OTOGL: variants seen among roughly 807,000 people sequenced by gnomAD.
The protein encoded by OTOGL is otogelin like, also known as otogelin-like protein.
Under a neutral mutation model 318.5 loss-of-function variants are expected in OTOGL, and 285 were observed. The observed-to-expected ratio is 0.89, with a 90% CI of 0.81 to 0.99. The LOEUF is 0.99. Among genes scored for constraint, OTOGL ranks in the 50% least tolerant of loss-of-function variants. The pLI, the probability that OTOGL is intolerant of heterozygous loss-of-function variation, is 0.00. For missense variants in OTOGL, 2,899 were observed against 2,845.6 expected (o/e 1.02, Z -0.43); for synonymous variants, 987 against 936.5 (o/e 1.05, Z -0.99).
At chr12:80,274,105 T>C (rs1883618418) in intron 24 of OTOGL, among the ~76,000 whole-genome samples, 1 of 151,950 alleles carries the variant, frequency 6.6e-6, no homozygotes, top group Non-Finnish European at 1.5e-5. Flanking sequence ...CACCAAAAGT[T>C]CAAGGGAAAG....
intron 28 of OTOGL, among the ~76,000 whole-genome samples, chr12:80,304,787 G>A (rs1459422531): frequency 1.3e-5 from 2 of 152,082 alleles, no homozygotes; most frequent in Non-Finnish European, 2.9e-5. Flanking sequence ...AGAACTTGCA[G>A]TGATGATTTT....
rs1050741087 is a variant in OTOGL at position 80,341,012 on chromosome 12, A to T, written c.5051-936A>T. Among the ~76,000 whole-genome samples, 201 of 144,124 alleles carry T rather than the reference A, an allele frequency of 1.4e-3. 1 individual carries two copies. The highest frequency in any genetic ancestry group is 2.4e-3 in the Non-Finnish European group (162 of 66,674). 94.6% of individuals were successfully genotyped at this position (144,124 alleles called of 152,430 possible). A position where few individuals can be genotyped will look rare whatever the true frequency, so the allele number is the denominator to read the frequency against. On this transcript the variant is annotated intron_variant, in intron 43 of 58. Coordinates refer to ENST00000547103, the MANE Select transcript of OTOGL (RefSeq NM_001378609.3). The stretch of plus-strand genomic sequence containing the variant: ...ACAAAGGTGAGGCATTGCAACCTTT[A>T]TTCATCCTGATATATCTCCTTGGGA...
chr12:80,166,243 ATTCT>A (rs752191778), intron 1 of OTOGL, among the ~76,000 whole-genome samples: 103 of 108,364 alleles, frequency 9.5e-4, no homozygotes, highest in African/African-American at 3.5e-3. Flanking sequence ...CCTTTCTTTC[ATTCT>A]TTCTTTGTTT....
chr12:80,102,837 T>C, intron 1 of OTOGL: 2 of 688,440 alleles, frequency 2.9e-6, no homozygotes, highest in Non-Finnish European at 5.2e-6. Flanking sequence ...GCTCTAGTCA[T>C]AAGGCTCTTC....
At position 80,149,136 on chromosome 12, in the gene OTOGL, T is replaced by G. The variant is rs200699440; in HGVS notation, c.-20+49531T>G. On this transcript the variant is annotated intron_variant, in intron 1 of 58. Transcript: ENST00000547103. ...TTGGAGGAGGAGAGGCGCTCTGCTT[T>G]TTAGAGTTTCCAGTTTTTCTGTTGT... Among the ~76,000 whole-genome samples the G allele has an allele frequency of 1.8e-3, 269 of 152,336 alleles. 7 individuals are homozygous for G. The East Asian group carries it at 0.04, about 22-fold the overall frequency.
At position 80,108,936 on chromosome 12, in the gene OTOGL, G is replaced by GTATATATATATA. The variant is rs199972356; in HGVS notation, c.-20+9338_-20+9349dup. ...TATATGTGTATATATATATGTGTGT[G>GTATATATATATA]TATATATATATATATATACACACAC... On this transcript the variant is annotated intron_variant, in intron 1 of 58. Coordinates refer to ENST00000547103, the MANE Select transcript of OTOGL (RefSeq NM_001378609.3). Among the ~76,000 whole-genome samples, 103 of 128,228 alleles carry GTATATATATATA rather than the reference G, an allele frequency of 8.0e-4. 3 individuals carry two copies. The highest frequency in any genetic ancestry group is 3.1e-3 in the African/African-American group (96 of 31,268). 84.1% of individuals were successfully genotyped at this position (128,228 alleles called of 152,430 possible).
chr12:80,116,550 AC>A (rs1404098076), intron 1 of OTOGL, among the ~76,000 whole-genome samples: 1 of 152,118 alleles, frequency 6.6e-6, no homozygotes, highest in African/African-American at 2.4e-5. Context: ...TGATGCTTAT[AC>A]AATTTACAAC....
At chr12:80,284,974 T>C (rs555893997) in intron 26 of OTOGL, among the ~76,000 whole-genome samples, 1 of 152,318 alleles carries the variant, frequency 6.6e-6, no homozygotes, top group South Asian at 2.1e-4. Flanking sequence ...CTGAATGGTA[T>C]TACCTAGGTT....
At chr12:80,144,632 A>C (rs1019914488) in intron 1 of OTOGL, among the ~76,000 whole-genome samples, 12 of 152,116 alleles carry the variant, frequency 7.9e-5, no homozygotes, top group South Asian at 2.1e-4. Flanking sequence ...AATCACCACA[A>C]TGACTTCCAC....
intron 52 of OTOGL, among the ~76,000 whole-genome samples, chr12:80,360,471 C>T (rs998199082): frequency 7.3e-6 from 1 of 137,566 alleles, no homozygotes; most frequent in East Asian, 2.4e-4. Flanking sequence ...TCTCTCTCCT[C>T]TCTCTCCCTC....
intron 1 of OTOGL, among the ~76,000 whole-genome samples, chr12:80,161,079 G>A (rs551861503): frequency 6.6e-6 from 1 of 152,092 alleles, no homozygotes; most frequent in African/African-American, 2.4e-5. Flanking sequence ...GGGGACTCGG[G>A]GGAAAGGCTG....
chr12:80,125,059 G>GA (rs1870735157), intron 1 of OTOGL, among the ~76,000 whole-genome samples: 1 of 152,140 alleles, frequency 6.6e-6, no homozygotes, highest in South Asian at 2.1e-4. Context: ...GCCCTGGCCA[G>GA]ACTTCCAATA....
rs1477883879 is a variant in OTOGL at position 80,266,568 on chromosome 12, G to A, written c.2342G>A (p.Cys781Tyr). ...CSDDCAEGCN[C>Y]PEGKFYEDTL... ...GATGACTGTGCTGAAGGCTGTAATT[G>A]TCCGGAAGGCAAATTCTATGAAGAC... is the stretch of plus-strand genomic sequence containing the variant. Residue 781 changes from cysteine to tyrosine, a missense_variant, in exon 21 of 59, where the codon TGT becomes TAT. Transcript: ENST00000547103. The A allele has an allele frequency of 1.4e-5, 23 of 1,613,450 alleles. No individual in the cohort carries two copies. Among genetic ancestry groups the A allele is most frequent in the Non-Finnish European group, 1.7e-5 (20 of 1,179,740 alleles).
intron 1 of OTOGL, among the ~76,000 whole-genome samples, chr12:80,158,893 G>A (rs1343303951): frequency 6.6e-6 from 1 of 151,996 alleles, no homozygotes; most frequent in Non-Finnish European, 1.5e-5. Flanking sequence ...GTGAGAGTGG[G>A]CATCCTTATC....
intron 1 of OTOGL, among the ~76,000 whole-genome samples, chr12:80,184,704 C>T (rs189918557): frequency 6.6e-6 from 1 of 152,188 alleles, no homozygotes; most frequent in African/African-American, 2.4e-5. Flanking sequence ...GGCTGGACTC[C>T]AATAACTGTG....
chr12:80,359,342 T>C (rs1032378994), intron 52 of OTOGL, among the ~76,000 whole-genome samples: 5 of 152,276 alleles, frequency 3.3e-5, no homozygotes, highest in Non-Finnish European at 5.9e-5. Flanking sequence ...ATTTCAAATA[T>C]TTAATTTTTA....
chr12:80,328,017 T>C (rs2137872070), intron 35 of OTOGL, among the ~76,000 whole-genome samples: 1 of 130,654 alleles, frequency 7.7e-6, no homozygotes, highest in Admixed American at 7.5e-5. Context: ...TCAATACAGA[T>C]TAAAATCTCA....
intron 26 of OTOGL, among the ~76,000 whole-genome samples, chr12:80,288,035 C>CTTGT (rs1259857999): frequency 6.6e-6 from 1 of 152,044 alleles, no homozygotes; most frequent in African/African-American, 2.4e-5. Context: ...GTGGCTGGTA[C>CTTGT]TTGTTTTTCC....
At chr12:80,183,761 G>T (rs950664317) in intron 1 of OTOGL, among the ~76,000 whole-genome samples, 2 of 152,188 alleles carry the variant, frequency 1.3e-5, no homozygotes, top group African/African-American at 4.8e-5. Context: ...GGTTAGGGCT[G>T]CAGGTTGGAG....
Sources: allele counts gnomAD v4.1 joint callset (sites outside exome capture counted in the v4.1 genomes callset), GRCh38; gene constraint gnomAD v4.1.1; transcripts MANE v1.5; gene names NCBI Gene and HGNC (gene_info 2026-07-23, HGNC 2026-07-21).